Variants in SLC23A2 observed in about 807,000 individuals in gnomAD.
SLC23A2 encodes the protein solute carrier family 23 member 2.
Under a neutral mutation model 73.3 loss-of-function variants are expected in SLC23A2, and 36 were observed. The observed-to-expected ratio is 0.49, with a 90% confidence interval of 0.38 to 0.65. SLC23A2 has a LOEUF of 0.65. SLC23A2 is among the 30% of genes least tolerant of loss of function. The pLI, the probability that SLC23A2 is intolerant of heterozygous loss-of-function variation, is 0.00. For missense variants in SLC23A2, 507 were observed against 841.6 expected (o/e 0.60, Z 4.92); for synonymous variants, 343 against 327.3 (o/e 1.05, Z -0.52).
intron 3 of SLC23A2, among the ~76,000 whole-genome samples, chr20:4,914,392 T>C (rs1205866222): frequency 6.6e-6 from 1 of 152,102 alleles, no homozygotes; most frequent in Non-Finnish European, 1.5e-5. Flanking sequence ...ATTATTAAAA[T>C]TTTATTTTAA....
intron 1 of SLC23A2, among the ~76,000 whole-genome samples, chr20:4,990,934 T>C (rs1422385144): frequency 7.5e-6 from 1 of 133,304 alleles, no homozygotes; most frequent in African/African-American, 2.9e-5. Context: ...ATCGCACCAC[T>C]GACGCCAGCC....
intron 1 of SLC23A2, among the ~76,000 whole-genome samples, chr20:4,971,804 A>G (rs2087565403): frequency 1.3e-5 from 2 of 152,080 alleles, no homozygotes; most frequent in South Asian, 4.1e-4. Flanking sequence ...AAGCAAAAAA[A>G]GTGATTTGCA....
rs554334853 is a variant in SLC23A2 at position 4,998,511 on chromosome 20, C to T, written c.-282+2895G>A. ...TCGTTTCAACCTAGAGGCTGCAATG[C>T]ACAGCTTAACCTGGAGGAGGATGGT... is the stretch of plus-strand genomic sequence containing the variant. On this transcript the variant is annotated intron_variant, in intron 1 of 16. Transcript: ENST00000338244. The surrounding 1 kb of genome is among the most constrained non-coding windows in gnomAD (Gnocchi z 4.1). Among the ~76,000 whole-genome samples, 73 of 152,132 alleles carry T rather than the reference C, an allele frequency of 4.8e-4. No homozygotes were observed. Among genetic ancestry groups the T allele is most frequent in the Non-Finnish European group, 3.1e-4 (21 of 68,004 alleles).
At chr20:4,875,194 G>A (rs1365616327) in intron 9 of SLC23A2, among the ~76,000 whole-genome samples, 1 of 152,156 alleles carries the variant, frequency 6.6e-6, no homozygotes, top group Non-Finnish European at 1.5e-5. Context: ...TTTGCAACTG[G>A]TTTTCCCACT....
chr20:4,877,102 G>A lies in SLC23A2; in HGVS notation c.825-2406C>T, dbSNP rs558993306. Among the ~76,000 whole-genome samples, 497 of 152,156 alleles carry A rather than the reference G, an allele frequency of 3.3e-3. 11 individuals are homozygous for A. Among genetic ancestry groups the A allele is most frequent in the Non-Finnish European group, 4.9e-4 (33 of 68,016 alleles). ...GGTGCAGCACACCAACATGGCACAT[G>A]TATACATATGTAACAAACCTGCATG... On this transcript the variant is annotated intron_variant, in intron 9 of 16. Transcript: ENST00000338244.
intron 3 of SLC23A2, among the ~76,000 whole-genome samples, chr20:4,924,904 G>A (rs1390074852): frequency 6.6e-6 from 1 of 152,148 alleles, no homozygotes; most frequent in African/African-American, 2.4e-5. Context: ...AAGCCCTGTG[G>A]CCAGGCAAAG....
intron 2 of SLC23A2, among the ~76,000 whole-genome samples, chr20:4,960,629 T>G (rs1431631496): frequency 1.3e-5 from 2 of 152,198 alleles, no homozygotes; most frequent in South Asian, 4.1e-4. Flanking sequence ...GATCTACTAT[T>G]TAAGGTTTTA....
intron 2 of SLC23A2, among the ~76,000 whole-genome samples, chr20:4,954,327 T>C (rs2087248863): frequency 6.6e-6 from 1 of 152,122 alleles, no homozygotes; most frequent in South Asian, 2.1e-4. Context: ...AATAGCTTCA[T>C]TTTCAATGGC....
chr20:4,951,369 C>T (rs1362970125), intron 2 of SLC23A2, among the ~76,000 whole-genome samples: 3 of 151,950 alleles, frequency 2.0e-5, no homozygotes, highest in South Asian at 2.1e-4. Flanking sequence ...AAGACTGAAA[C>T]GGAGGTGGGT....
At chr20:4,966,809 T>TGCAC (rs1182353939) in intron 2 of SLC23A2, among the ~76,000 whole-genome samples, 1 of 109,754 alleles carries the variant, frequency 9.1e-6, no homozygotes, top group Non-Finnish European at 2.1e-5. Flanking sequence ...TTGATAGTTT[T>TGCAC]ACACACACAC....
At chr20:4,873,454 T>C (rs1457127588) in intron 11 of SLC23A2, among the ~76,000 whole-genome samples, 1 of 152,206 alleles carries the variant, frequency 6.6e-6, no homozygotes, top group African/African-American at 2.4e-5. Context: ...TTAGTGACTA[T>C]CAACTTACCT....
chr20:5,005,014 A>AATAAATAT (rs2088175465), upstream of SLC23A2, among the ~76,000 whole-genome samples: 1 of 150,418 alleles, frequency 6.6e-6, no homozygotes, highest in African/African-American at 2.4e-5. Flanking sequence ...TAAATAAATA[A>AATAAATAT]ATAAATAAAT....
chr20:4,900,460 T>C (rs1009469040), intron 5 of SLC23A2, among the ~76,000 whole-genome samples: 1 of 152,254 alleles, frequency 6.6e-6, no homozygotes, highest in African/African-American at 2.4e-5. Flanking sequence ...ACTGTATTTT[T>C]CTTCTGGGAT....
intron 2 of SLC23A2, among the ~76,000 whole-genome samples, chr20:4,955,586 C>T (rs755188608): frequency 2.6e-5 from 4 of 151,828 alleles, no homozygotes; most frequent in South Asian, 2.1e-4. Flanking sequence ...CTCAGGGGCT[C>T]GAGACCAGCC....
At chr20:4,984,268 G>C (rs2087783335) in intron 1 of SLC23A2, among the ~76,000 whole-genome samples, 1 of 151,224 alleles carries the variant, frequency 6.6e-6, no homozygotes, top group South Asian at 2.1e-4. Flanking sequence ...GCAAGACCCA[G>C]TCTCGGCCGG....
At chr20:4,988,917 G>A (rs931612964) in intron 1 of SLC23A2, among the ~76,000 whole-genome samples, 1 of 151,510 alleles carries the variant, frequency 6.6e-6, no homozygotes, top group East Asian at 2.0e-4. Context: ...TCAAGGAAAG[G>A]GAAAGGGAAA....
intron 9 of SLC23A2, among the ~76,000 whole-genome samples, chr20:4,877,428 T>C (rs575158985): frequency 1.3e-5 from 2 of 152,294 alleles, no homozygotes; most frequent in Admixed American, 1.3e-4. Context: ...CATCTAAACA[T>C]GCTGTCTCAG....
chr20:4,973,793 C>G (rs79377543), intron 1 of SLC23A2, among the ~76,000 whole-genome samples: 1,855 of 152,274 alleles, frequency 0.012, 33 homozygotes, highest in East Asian at 0.05. Flanking sequence ...GGGACACACT[C>G]ATGGCCACAT....
chr20:4,906,004 T>C (rs1931938571), intron 4 of SLC23A2, among the ~76,000 whole-genome samples: 1 of 152,270 alleles, frequency 6.6e-6, no homozygotes, highest in East Asian at 1.9e-4. Context: ...CTAATGTATA[T>C]GTGTGCTTTC....
Sources: gnomAD v4.1 joint callset for allele counts (sites outside exome capture counted in the v4.1 genomes callset) on GRCh38, gnomAD v4.1.1 for gene constraint, Gnocchi (gnomAD v3.1) non-coding constraint, MANE v1.5 for transcripts, NCBI Gene and HGNC (gene_info 2026-07-23, HGNC 2026-07-21) for gene names.